Variants in SEZ6L observed in about 807,000 individuals in gnomAD.
SEZ6L encodes seizure related 6 homolog like.
In SEZ6L, 37 loss-of-function variants were observed where a neutral mutation model predicts 106.2. The ratio of observed to expected loss-of-function variants is 0.35; its 90% CI spans 0.27 to 0.46. The LOEUF is 0.46. Ranked by LOEUF, SEZ6L falls within the 20% of genes least tolerant of loss-of-function variation. SEZ6L has a pLI of 1.00. For synonymous variants in SEZ6L, 541 were observed against 570.4 expected (o/e 0.95, Z 0.73); for missense variants, 1,172 against 1,332.8 (o/e 0.88, Z 1.88).
At chr22:26,233,902 G>A (rs1445591987) in intron 1 of SEZ6L, among the ~76,000 whole-genome samples, 1 of 152,190 alleles carries the variant, frequency 6.6e-6, no homozygotes, top group Non-Finnish European at 1.5e-5. Flanking sequence ...TGAAGACCTG[G>A]AATAAGATGG....
chr22:26,180,936 G>T (rs1248438884), intron 1 of SEZ6L, among the ~76,000 whole-genome samples: 1 of 152,176 alleles, frequency 6.6e-6, no homozygotes, highest in Non-Finnish European at 1.5e-5. Flanking sequence ...CTGAATGGGG[G>T]ACTCAGCACA....
At chr22:26,333,177 G>C (rs1223732080) in intron 9 of SEZ6L, among the ~76,000 whole-genome samples, 1 of 152,236 alleles carries the variant, frequency 6.6e-6, no homozygotes, top group Admixed American at 6.5e-5. Flanking sequence ...CCCTTGAAGG[G>C]GCTGCAGAAT....
intron 9 of SEZ6L, among the ~76,000 whole-genome samples, chr22:26,325,915 C>T (rs1254438001): frequency 1.5e-5 from 2 of 131,858 alleles, no homozygotes; most frequent in Non-Finnish European, 3.2e-5. Context: ...CTCCTTTGCA[C>T]GATCACACAC....
intron 9 of SEZ6L, among the ~76,000 whole-genome samples, chr22:26,332,294 T>A (rs937070768): frequency 6.6e-6 from 1 of 150,376 alleles, no homozygotes; most frequent in Admixed American, 6.6e-5. Context: ...GGACTACAAG[T>A]GCATGCCACC....
At chr22:26,253,439 C>G (rs2079682031) in intron 1 of SEZ6L, among the ~76,000 whole-genome samples, 1 of 152,122 alleles carries the variant, frequency 6.6e-6, no homozygotes, top group Non-Finnish European at 1.5e-5. Context: ...CCTTTTACCC[C>G]CCTACTTGCA....
chr22:26,170,733 T>G (rs1938533204), intron 1 of SEZ6L, among the ~76,000 whole-genome samples: 1 of 151,894 alleles, frequency 6.6e-6, no homozygotes, highest in African/African-American at 2.4e-5. Context: ...GACCCGAAAA[T>G]CAATGGGAGG....
chr22:26,316,923 A>AAAAGAAAGAAAGAAAAAG (rs1556343159), intron 9 of SEZ6L, among the ~76,000 whole-genome samples: 3 of 150,174 alleles, frequency 2.0e-5, no homozygotes, highest in Non-Finnish European at 4.5e-5. Flanking sequence ...GAAAGAAAGA[A>AAAAGAAAGAAAGAAAAAG]AAAGAAAGAA....
At chr22:26,253,440 C>T (rs570666429) in intron 1 of SEZ6L, among the ~76,000 whole-genome samples, 3 of 152,106 alleles carry the variant, frequency 2.0e-5, no homozygotes, top group Admixed American at 6.6e-5. Flanking sequence ...CTTTTACCCC[C>T]CTACTTGCAA....
At chr22:26,312,772 A>G (rs1046536714) in intron 8 of SEZ6L, among the ~76,000 whole-genome samples, 1 of 152,120 alleles carries the variant, frequency 6.6e-6, no homozygotes, top group African/African-American at 2.4e-5. Context: ...GTTTCACCAT[A>G]TCAGCCAGGC....
At chr22:26,333,294 G>A (rs908360670) in intron 9 of SEZ6L, among the ~76,000 whole-genome samples, 7 of 152,336 alleles carry the variant, frequency 4.6e-5, no homozygotes, top group Admixed American at 3.3e-4. Context: ...GTGTCAGGTG[G>A]CATTGGACTT....
chr22:26,202,492 G>C (rs1941023014), intron 1 of SEZ6L, among the ~76,000 whole-genome samples: 1 of 152,242 alleles, frequency 6.6e-6, no homozygotes, highest in African/African-American at 2.4e-5. Flanking sequence ...TAACCCTTGA[G>C]ATTGATGGAT....
At chr22:26,229,695 A>T (rs926288681) in intron 1 of SEZ6L, among the ~76,000 whole-genome samples, 1 of 152,226 alleles carries the variant, frequency 6.6e-6, no homozygotes, top group Admixed American at 6.5e-5. Context: ...CTCACTCCAG[A>T]TCCACTTAGA....
intron 11 of SEZ6L, 83 bp downstream of exon 11, chr22:26,347,996 G>A: frequency 8.9e-7 from 1 of 1,127,470 alleles, no homozygotes; most frequent in South Asian, 1.8e-5. Context: ...GTGCAGTGGA[G>A]CTGTTTAATG....
At chr22:26,240,744 G>T (rs1183024680) in intron 1 of SEZ6L, among the ~76,000 whole-genome samples, 1 of 152,130 alleles carries the variant, frequency 6.6e-6, no homozygotes, top group Non-Finnish European at 1.5e-5. Context: ...ATAAATCCTT[G>T]CCCTCGTGGA....
At chr22:26,370,412 A>G (rs1279651497) in intron 13 of SEZ6L, among the ~76,000 whole-genome samples, 4 of 152,182 alleles carry the variant, frequency 2.6e-5, no homozygotes, top group South Asian at 4.1e-4. Flanking sequence ...AAAACCCTAA[A>G]TAAGAAAACC....
chr22:26,313,840 T>C lies in SEZ6L; in HGVS notation c.1953T>C (p.Gly651=), dbSNP rs1263876557. 1 of 1,612,856 alleles carries C rather than the reference T, an allele frequency of 6.2e-7. No individual in the cohort carries two copies. The highest frequency in any genetic ancestry group is 1.7e-5 in the Admixed American group (1 of 59,980). The change falls in exon 9 of 17, where the codon GGT becomes GGC. Residue 651 remains glycine, a synonymous_variant. Transcript: ENST00000248933. ...SPNWPEPYVE[G]EDCIWKIHVG... is the part of the protein sequence containing the mutation. ...ACTGGCCCGAGCCCTACGTGGAAGG[T>C]GAAGATTGTATCTGGAAGATCCACG...
At chr22:26,223,436 T>C (rs1017565810) in intron 1 of SEZ6L, among the ~76,000 whole-genome samples, 19 of 152,334 alleles carry the variant, frequency 1.2e-4, no homozygotes, top group African/African-American at 4.6e-4. Flanking sequence ...TATTTTTAAT[T>C]ATATTGTAGA....
At position 26,367,791 on chromosome 22, in the gene SEZ6L, TACTC is replaced by T. The variant is rs546449597; in HGVS notation, c.2794+2226_2794+2229del. Among the ~76,000 whole-genome samples the T allele has an allele frequency of 1.8e-3, 273 of 152,290 alleles. 2 individuals are homozygous for T. Among genetic ancestry groups the T allele is most frequent in the African/African-American group, 5.9e-3 (245 of 41,552 alleles). ...TTACCTGGCGTTCTGCAAACCCTAA[TACTC>T]TTAACGCCCCCAGTTTGTGCACACG... On this transcript the variant is annotated intron_variant, in intron 13 of 16. Transcript: ENST00000248933.
chr22:26,287,907 C>A (rs185263427), intron 1 of SEZ6L, among the ~76,000 whole-genome samples: 87 of 152,300 alleles, frequency 5.7e-4, no homozygotes, highest in Middle Eastern at 3.4e-3. Flanking sequence ...GGATACAAAA[C>A]TCTCCTTGAT....
Sources: allele counts gnomAD v4.1 joint callset (sites outside exome capture counted in the v4.1 genomes callset), GRCh38; gene constraint gnomAD v4.1.1; transcripts MANE v1.5; gene names NCBI Gene and HGNC (gene_info 2026-07-23, HGNC 2026-07-21).